Variants in NECAB3 observed in about 807,000 individuals in gnomAD.
NECAB3 encodes N-terminal EF-hand calcium-binding protein 3.
NECAB3 carries 38 observed loss-of-function variants against 57.2 expected under a neutral mutation model. The observed-to-expected ratio is 0.66, with a 90% confidence interval of 0.51 to 0.87. The LOEUF is 0.87. Among genes scored for constraint, NECAB3 ranks in the 40% least tolerant of loss-of-function variants. NECAB3 has a pLI of 0.00. For synonymous variants in NECAB3, 223 were observed against 222.6 expected (o/e 1.00, Z -0.02); for missense variants, 474 against 527.5 (o/e 0.90, Z 0.99).
chr20:33,661,928 G>A (rs1252501450), intron 5 of NECAB3: 1 of 156,694 alleles, frequency 6.4e-6, no homozygotes, highest in East Asian at 1.9e-4. Context: ...TGAGACTACA[G>A]GCATTAGCCA....
At position 33,657,274 on chromosome 20, in the gene NECAB3, A is replaced by C. The variant is rs1374584976; in HGVS notation, c.*555T>G. On this transcript the variant is annotated 3_prime_UTR_variant, in exon 12 of 12. Transcript: ENST00000246190. ...CAAACGATATGCAAATGACATGCAA[A>C]CCAACCCAGAGGCCTCTGGCACATC... 2.0e-5 allele frequency: 3 copies of C among 153,770 alleles called. No homozygotes were observed. The highest frequency in any genetic ancestry group is 7.2e-5 in the African/African-American group (3 of 41,460). The allele number at this position is 153,770 out of a possible 1,614,324, so 9.5% of individuals were successfully genotyped here.
chr20:33,669,379 T>C lies in NECAB3; in HGVS notation c.383A>G (p.Lys128Arg), dbSNP rs1174395275. ...RAVLAAMDAT[K>R]LEYERASKVD... ...ACCATCAGCCACTCCACTCACCAGC[T>C]TGGTGGCATCCATGGCAGCGAGCAC... The change falls in exon 5 of 12, where the codon AAG becomes AGG. Residue 128 changes from lysine to arginine, a missense_variant. By Grantham distance (26) the Lys-to-Arg change is conservative (BLOSUM62 2). Transcript: ENST00000246190. 1.2e-6 allele frequency: 2 copies of C among 1,613,530 alleles called. No homozygotes were observed. The highest frequency in any genetic ancestry group is 1.7e-6 in the Non-Finnish European group (2 of 1,179,986).
intron 5 of NECAB3, chr20:33,665,300 C>A (rs1312616281): frequency 1.3e-5 from 2 of 152,228 alleles, no homozygotes; most frequent in Non-Finnish European, 2.9e-5. Flanking sequence ...ACGGTGAAAC[C>A]CCGTCTCTAC....
At chr20:33,670,584 C>A in intron 3 of NECAB3, 100 bp downstream of exon 3, 2 of 808,982 alleles carry the variant, frequency 2.5e-6, no homozygotes, top group East Asian at 2.7e-5. Context: ...CTCCCTGCCC[C>A]CTCTTCCTCA....
chr20:33,670,755 G>A lies in NECAB3; in HGVS notation c.192C>T (p.Tyr64=). ...CCAGGCTGAGAACCCCATCGGCAAA[G>A]TAATTCTGGAATTCCTCAAATGAGA... The part of the protein sequence containing the change: ...GKLSFEEFQN[Y]FADGVLSLGE... The change falls in exon 3 of 12, where the codon TAC becomes TAT. Residue 64 remains tyrosine, a synonymous_variant. Coordinates refer to ENST00000246190, the MANE Select transcript of NECAB3 (RefSeq NM_031232.4). The A allele has an allele frequency of 6.2e-7, 1 of 1,613,926 alleles. No individual in the cohort carries two copies. Among genetic ancestry groups the A allele is most frequent in the Non-Finnish European group, 8.5e-7 (1 of 1,179,868 alleles).
rs546216155 is a variant in NECAB3, at chr20:33,658,022, G to A, written c.1082C>T (p.Ser361Leu). 2.6e-5 allele frequency: 41 copies of A among 1,551,546 alleles called. No homozygotes were observed. In the East Asian group the frequency reaches 7.6e-4, roughly 29 times the overall value. The part of the protein sequence containing the change: ...DEASWRRHQQ[S>L]PGSKAFQRIL... ...GCGCTGGAAGGCCTTGCTGCCAGGC[G>A]ACTGCTGGTGCCTGCAGAGACCCAG... The change falls in exon 11 of 12, where the codon TCG becomes TTG. Residue 361 changes from serine (S) to leucine (L), a missense_variant. By Grantham distance (145) the Ser-to-Leu change is moderately radical. Transcript: ENST00000246190.
intron 2 of NECAB3, among the ~76,000 whole-genome samples, chr20:33,671,348 T>C (rs1050348813): frequency 3.3e-5 from 5 of 152,058 alleles, no homozygotes; most frequent in African/African-American, 4.8e-5. Flanking sequence ...GACAAAGACA[T>C]GGGATTTGGC....
intron 3 of NECAB3, 64 bp from the exon 4 acceptor site, chr20:33,669,776 A>G: frequency 2.7e-5 from 40 of 1,484,792 alleles, no homozygotes; most frequent in Non-Finnish European, 3.6e-5. Flanking sequence ...AATGGGGCCA[A>G]TGCCCCACAT....
chr20:33,660,591 C>A lies in NECAB3; in HGVS notation c.388-196G>T, dbSNP rs1437144038. On this transcript the variant is annotated intron_variant, in intron 5 of 11. Transcript: ENST00000246190. The surrounding 1 kb of genome is among the most constrained non-coding windows in gnomAD (Gnocchi z 4.1). ...TCCCTCCTTGTCCGGGACTGGCCTC[C>A]CTCCCCGGAGGTGTGAGGCCAACTC... Among the ~76,000 whole-genome samples the A allele has an allele frequency of 2.0e-5, 3 of 152,154 alleles. No homozygotes were observed. Among genetic ancestry groups the A allele is most frequent in the Admixed American group, 2.0e-4 (3 of 15,282 alleles).
intron 1 of NECAB3, among the ~76,000 whole-genome samples, chr20:33,673,016 G>A (rs1163211204): frequency 6.6e-6 from 1 of 152,178 alleles, no homozygotes; most frequent in East Asian, 1.9e-4. Context: ...CTTCCTATGG[G>A]GCTGACTCTG....
chr20:33,661,048 C>A (rs138320208), intron 5 of NECAB3, among the ~76,000 whole-genome samples: 1 of 152,202 alleles, frequency 6.6e-6, no homozygotes, highest in Non-Finnish European at 1.5e-5. Context: ...TCTGAGGCTC[C>A]TCAACAACCG....
rs1207050043 is a variant in NECAB3 at position 33,657,203 on chromosome 20, T to C, written c.*626A>G. The C allele has an allele frequency of 6.5e-6, 1 of 152,724 alleles. No homozygotes were observed. The highest frequency in any genetic ancestry group is 1.5e-5 in the Non-Finnish European group (1 of 68,082). The allele number at this position is 152,724 out of a possible 1,614,324, so 9.5% of individuals were successfully genotyped here. ...ATTATTGCTACTTGGCCAGGTCACCTTGGGGCTTCCCATACTGCCCTGAGA... is the reference window on the plus strand; with the variant it reads ...ATTATTGCTACTTGGCCAGGTCACCCTGGGGCTTCCCATACTGCCCTGAGA... On this transcript the variant is annotated 3_prime_UTR_variant, in exon 12 of 12. Transcript: ENST00000246190.
In NECAB3 at chr20:33,674,193, G is replaced by C. The variant is rs533813320; in HGVS notation, c.129+31C>G. On this transcript the variant is annotated intron_variant, in intron 1 of 11. Transcript: ENST00000246190. ...AGACTAACAGAGACTCGGGTAGGGAGACACCGCGAGCAGAGCCCGCGCCCA... is the reference window on the plus strand; with the variant it reads ...AGACTAACAGAGACTCGGGTAGGGACACACCGCGAGCAGAGCCCGCGCCCA... 6.4e-6 allele frequency: 8 copies of C among 1,255,358 alleles called. No individual in the cohort carries two copies. The South Asian group carries it at 2.6e-4, about 41-fold the overall frequency. The allele number at this position is 1,255,358 out of a possible 1,614,324, so 77.8% of individuals were successfully genotyped here.
chr20:33,659,065 C>T (rs2017373695), intron 8 of NECAB3, among the ~76,000 whole-genome samples: 1 of 152,198 alleles, frequency 6.6e-6, no homozygotes, highest in African/African-American at 2.4e-5. Context: ...GCTGGAATTA[C>T]AGGCATGAGC....
At chr20:33,674,465 G>C (rs2017909657), upstream of NECAB3, 2 of 918,866 alleles carry the variant, frequency 2.2e-6, no homozygotes, top group Admixed American at 5.8e-5. Flanking sequence ...CGCGGGCTCA[G>C]GCCCCGCCCC....
Position 33,657,803 on chromosome 20 carries a change from G to A in NECAB3, c.*26C>T. 6.6e-7 allele frequency: 1 copy of A among 1,515,360 alleles called. No individual in the cohort carries two copies. The highest frequency in any genetic ancestry group is 8.9e-7 in the Non-Finnish European group (1 of 1,127,546). The allele number at this position is 1,515,360 out of a possible 1,614,324, so 93.9% of individuals were successfully genotyped here. ...CCAGAGGGAGGCAGGCAGGGTCCCG[G>A]GGCCCTCGGCGTGTGCAGGTCTGGC... On this transcript the variant is annotated 3_prime_UTR_variant, in exon 12 of 12. Transcript: ENST00000246190.
intron 2 of NECAB3, 50 bp from the exon 3 acceptor site, chr20:33,670,842 G>A (rs766801437): frequency 7.1e-7 from 1 of 1,400,086 alleles, no homozygotes; most frequent in Non-Finnish European, 1.0e-6. Context: ...CCCTGACCCT[G>A]ACTGCACCCC....
At chr20:33,668,051 C>T (rs765671968) in intron 5 of NECAB3, 133 of 1,558,374 alleles carry the variant, frequency 8.5e-5, no homozygotes, top group Non-Finnish European at 1.1e-4. Context: ...GAGCTGGAGG[C>T]GCAGTGCCGG....
chr20:33,669,218 C>A, intron 5 of NECAB3, 157 bp downstream of exon 5: 1 of 655,464 alleles, frequency 1.5e-6, no homozygotes, highest in Non-Finnish European at 2.7e-6. Context: ...GGAAACAGGC[C>A]CAGAGAGGTC....
Sources: gnomAD v4.1 joint callset for allele counts (sites outside exome capture counted in the v4.1 genomes callset) on GRCh38, gnomAD v4.1.1 for gene constraint, Gnocchi (gnomAD v3.1) non-coding constraint, MANE v1.5 for transcripts, NCBI Gene and HGNC (gene_info 2026-07-23, HGNC 2026-07-21) for gene names.